Variants in ATG7 observed in about 807,000 individuals in gnomAD.
ATG7 encodes the protein autophagy related 7.
Under a neutral mutation model 82.4 loss-of-function variants are expected in ATG7, and 70 were observed. The ratio of observed to expected loss-of-function variants is 0.85; its 90% CI spans 0.70 to 1.04. ATG7 has a LOEUF of 1.04. Ranked by LOEUF, ATG7 falls within the 50% of genes least tolerant of loss-of-function variation. The pLI, the probability that ATG7 is intolerant of heterozygous loss-of-function variation, is 0.00. For missense variants in ATG7, 792 were observed against 864.3 expected (o/e 0.92, Z 1.05); for synonymous variants, 287 against 313.0 (o/e 0.92, Z 0.88).
chr3:11,457,904 C>A (rs552433592), intron 20 of ATG7, among the ~76,000 whole-genome samples: 1 of 152,110 alleles, frequency 6.6e-6, no homozygotes. Flanking sequence ...CAGGACCGGA[C>A]CTAGTGCATT....
chr3:11,534,626 C>G (rs1209970794), intron 20 of ATG7, among the ~76,000 whole-genome samples: 2 of 152,262 alleles, frequency 1.3e-5, no homozygotes, highest in African/African-American at 2.4e-5. Flanking sequence ...CTAAGGGGAG[C>G]TGCCACACGC....
intron 13 of ATG7, chr3:11,346,622 A>G (rs1212167615): frequency 6.6e-6 from 1 of 152,220 alleles, no homozygotes; most frequent in Non-Finnish European, 1.5e-5. Context: ...TTTGTAATGT[A>G]TCTGGCTTTC....
intron 9 of ATG7, among the ~76,000 whole-genome samples, chr3:11,323,147 A>G (rs539226966): frequency 2.0e-5 from 3 of 152,332 alleles, no homozygotes; most frequent in East Asian, 1.9e-4. Context: ...GTGCTGGTAA[A>G]TGTTTAACAG....
At chr3:11,521,060 C>T (rs2092428063) in intron 20 of ATG7, among the ~76,000 whole-genome samples, 1 of 152,196 alleles carries the variant, frequency 6.6e-6, no homozygotes. Flanking sequence ...TTCCCAGTTT[C>T]CCCTTCCATG....
intron 9 of ATG7, among the ~76,000 whole-genome samples, chr3:11,326,066 G>A (rs1950832288): frequency 6.6e-6 from 1 of 152,116 alleles, no homozygotes; most frequent in East Asian, 1.9e-4. Flanking sequence ...TGAGATGAAA[G>A]GTTCAACCCC....
At chr3:11,573,189 A>G in the ATG7 span, among the ~76,000 whole-genome samples, 1 of 151,366 alleles carries the variant, frequency 6.6e-6, no homozygotes, top group Non-Finnish European at 1.5e-5. Context: ...AGACAGACAG[A>G]CAGAAAGAAA....
At chr3:11,365,459 C>T (rs969177916) in intron 18 of ATG7, among the ~76,000 whole-genome samples, 2 of 152,116 alleles carry the variant, frequency 1.3e-5, no homozygotes, top group Non-Finnish European at 2.9e-5. Context: ...CAGTCATTTT[C>T]ATTACTATAT....
At chr3:11,381,767 C>T (rs1312514191) in intron 19 of ATG7, among the ~76,000 whole-genome samples, 1 of 152,180 alleles carries the variant, frequency 6.6e-6, no homozygotes, top group Non-Finnish European at 1.5e-5. Flanking sequence ...GGTCACTTTT[C>T]ATGTGGTCTG....
intron 11 of ATG7, 132 bp from the exon 12 acceptor site, chr3:11,340,513 A>G: frequency 1.4e-6 from 1 of 733,526 alleles, no homozygotes; most frequent in Non-Finnish European, 2.1e-6. Flanking sequence ...TCTTTTAGAA[A>G]GAAGCAAACC....
chr3:11,317,150 C>T (rs1278283988), intron 9 of ATG7, among the ~76,000 whole-genome samples: 1 of 152,002 alleles, frequency 6.6e-6, no homozygotes, highest in African/African-American at 2.4e-5. Context: ...CAGAGGAAGC[C>T]CTTTTTAAAT....
chr3:11,303,369 A>AG (rs1187404433), intron 5 of ATG7, among the ~76,000 whole-genome samples: 2 of 152,200 alleles, frequency 1.3e-5, no homozygotes, highest in South Asian at 2.1e-4. Flanking sequence ...TGTGAAGCTG[A>AG]GAAAAAAAAA....
At chr3:11,311,102 A>G (rs896639576) in intron 7 of ATG7, among the ~76,000 whole-genome samples, 12 of 152,210 alleles carry the variant, frequency 7.9e-5, no homozygotes, top group African/African-American at 2.9e-4. Context: ...AGGTTTGCCT[A>G]GAGTCAGTAT....
rs1045216014 is a variant in ATG7 at position 11,410,481 on chromosome 3, T to C, written c.1957-16323T>C. 2.0e-5 allele frequency among the ~76,000 whole-genome samples: 3 copies of C among 152,224 alleles called. No individual in the cohort carries two copies. In the East Asian group the frequency reaches 5.8e-4, roughly 29 times the overall value. On this transcript the variant is annotated intron_variant, in intron 19 of 20. Transcript: ENST00000693202. ...GCCATTCTGTTTTTAAATGTACAGC[T>C]CAGTGGTATTAAATTCCTTCATAAT...
At chr3:11,486,150 G>A (rs1450031708) in intron 20 of ATG7, among the ~76,000 whole-genome samples, 4 of 152,102 alleles carry the variant, frequency 2.6e-5, no homozygotes, top group Admixed American at 6.6e-5. Context: ...CCATTTTCAT[G>A]ATATTGATTC....
At chr3:11,397,357 T>C (rs765485691) in intron 19 of ATG7, among the ~76,000 whole-genome samples, 1 of 129,010 alleles carries the variant, frequency 7.8e-6, no homozygotes, top group Non-Finnish European at 1.6e-5. Context: ...AATTACTTTA[T>C]AATAATTGGT....
At chr3:11,275,666 A>G (rs73812421) in intron 1 of ATG7, among the ~76,000 whole-genome samples, 471 of 151,646 alleles carry the variant, frequency 3.1e-3, no homozygotes, top group African/African-American at 0.011. Context: ...TCCCCTTTCT[A>G]TCTCCTGATC....
chr3:11,474,571 A>T (rs2087913467), intron 20 of ATG7, among the ~76,000 whole-genome samples: 1 of 152,190 alleles, frequency 6.6e-6, no homozygotes, highest in South Asian at 2.1e-4. Context: ...CTATACTCCA[A>T]CCTGGGTGAC....
At chr3:11,291,276 T>C (rs1048146052) in intron 3 of ATG7, among the ~76,000 whole-genome samples, 1 of 152,228 alleles carries the variant, frequency 6.6e-6, no homozygotes, top group African/African-American at 2.4e-5. Flanking sequence ...CCACATTGGA[T>C]GATAGCTCTG....
chr3:11,482,250 G>A (rs2089085304), intron 20 of ATG7, among the ~76,000 whole-genome samples: 1 of 152,184 alleles, frequency 6.6e-6, no homozygotes, highest in Non-Finnish European at 1.5e-5. Context: ...AGCAGCTGTG[G>A]AAACACAACA....
Sources: allele counts gnomAD v4.1 joint callset (sites outside exome capture counted in the v4.1 genomes callset), GRCh38; gene constraint gnomAD v4.1.1; transcripts MANE v1.5; gene names NCBI Gene and HGNC (gene_info 2026-07-23, HGNC 2026-07-21).